The following UGT1A5 variants were observed in gnomAD, a reference collection of about 807,000 sequenced individuals.
UGT1A5 encodes the protein UDP-glucuronosyltransferase 1A5.
In UGT1A5, 29 loss-of-function variants were observed where a neutral mutation model predicts 40.3. The ratio of observed to expected loss-of-function variants is 0.72; its 90% confidence interval spans 0.54 to 0.98. UGT1A5 has a LOEUF of 0.98. Ranked by LOEUF, UGT1A5 falls within the 50% of genes least tolerant of loss-of-function variation. The pLI, the probability that UGT1A5 is intolerant of heterozygous loss-of-function variation, is 0.00. For missense variants in UGT1A5, 678 were observed against 677.9 expected (o/e 1.00, Z 0.00); for synonymous variants, 257 against 262.5 (o/e 0.98, Z 0.20).
intron 1 of UGT1A5, among the ~76,000 whole-genome samples, chr2:233,749,338 G>A (rs996223048): frequency 2.0e-5 from 3 of 151,868 alleles, no homozygotes; most frequent in Admixed American, 6.5e-5. Flanking sequence ...GTTGAAAAGT[G>A]GGATGGAATT....
rs907498423 is a variant in UGT1A5, at chr2:233,772,974, A to C, written c.*415A>C. The stretch of plus-strand genomic sequence containing the variant: ...GATGGTTGCAATTGATCCTTAACCA[A>C]TAATGGTCAGTCCTCATCTCTGTCG... On this transcript the variant is annotated 3_prime_UTR_variant, in exon 5 of 5. Transcript: ENST00000373414. 3.0e-5 allele frequency: 9 copies of C among 303,654 alleles called. No individual in the cohort carries two copies. The highest frequency in any genetic ancestry group is 5.7e-5 in the Non-Finnish European group (9 of 158,574). The allele number at this position is 303,654 out of a possible 1,614,324, so 18.8% of individuals were successfully genotyped here.
chr2:233,730,676 G>A (rs992783530), intron 1 of UGT1A5, among the ~76,000 whole-genome samples: 4 of 152,128 alleles, frequency 2.6e-5, no homozygotes, highest in Non-Finnish European at 4.4e-5. Flanking sequence ...CAAAGTAATG[G>A]TTGCATCTCA....
chr2:233,772,775 T>C lies in UGT1A5; in HGVS notation c.*216T>C, dbSNP rs1450071408. On this transcript the variant is annotated 3_prime_UTR_variant, in exon 5 of 5. Transcript: ENST00000373414. ...AATATGTATCGTGCCCCCTCTGGTG[T>C]CTTTGATCAGGATGACATGTGCCAT... 2 of 1,313,948 alleles carry C rather than the reference T, an allele frequency of 1.5e-6. No homozygotes were observed. Among genetic ancestry groups the C allele is most frequent in the East Asian group, 2.7e-5 (1 of 37,564 alleles). 81.4% of individuals were successfully genotyped at this position (1,313,948 alleles called of 1,614,324 possible).
intron 1 of UGT1A5, among the ~76,000 whole-genome samples, chr2:233,739,630 G>A (rs535320958): frequency 6.6e-6 from 1 of 152,302 alleles, no homozygotes; most frequent in African/African-American, 2.4e-5. Context: ...CATTTGAAAT[G>A]GGAACATTTA....
rs1700539683 is a variant in UGT1A5 at position 233,772,631 on chromosome 2, T to C, written c.*72T>C. ...TTTCCAAACTTGAAAACAGAATCAG[T>C]GTTAAATTCATTTTATTCTTATTAA... On this transcript the variant is annotated 3_prime_UTR_variant, in exon 5 of 5. Coordinates refer to ENST00000373414, the MANE Select transcript of UGT1A5 (RefSeq NM_019078.2). 1.2e-5 allele frequency: 19 copies of C among 1,558,348 alleles called. No individual in the cohort carries two copies. The South Asian group carries it at 2.2e-4, about 18-fold the overall frequency.
At chr2:233,760,858 T>C (rs1196570380) in intron 1 of UGT1A5, 1 of 1,614,090 alleles carries the variant, frequency 6.2e-7, no homozygotes, top group Non-Finnish European at 8.5e-7. Flanking sequence ...CAACCCATTC[T>C]CCTACGTGCC....
At chr2:233,761,315 C>T (rs1196056744) in intron 1 of UGT1A5, among the ~76,000 whole-genome samples, 1 of 152,360 alleles carries the variant, frequency 6.6e-6, no homozygotes, top group East Asian at 1.9e-4. Flanking sequence ...TCTTTGGCAT[C>T]ATCTTCTGGA....
At position 233,758,850 on chromosome 2, in the gene UGT1A5, C is replaced by A. The variant is rs141810687; in HGVS notation, c.868-8184C>A. ...CAAAAAGAGTGTAATACTTCCAATT[C>A]TGGCTGCACAATACTTGCCCCATAG... On this transcript the variant is annotated intron_variant, in intron 1 of 4. Transcript: ENST00000373414. Among the ~76,000 whole-genome samples the A allele has an allele frequency of 4.5e-3, 678 of 152,282 alleles. 10 individuals are homozygous for A. The highest frequency in any genetic ancestry group is 0.015 in the African/African-American group (640 of 41,546).
chr2:233,736,227 C>T (rs757902126), intron 1 of UGT1A5, among the ~76,000 whole-genome samples: 1 of 152,164 alleles, frequency 6.6e-6, no homozygotes, highest in Non-Finnish European at 1.5e-5. Flanking sequence ...TCTTTTTTCT[C>T]TAACCTTGTC....
At chr2:233,729,397 C>T (rs762751427) in intron 1 of UGT1A5, 64 of 1,613,538 alleles carry the variant, frequency 4.0e-5, no homozygotes, top group Non-Finnish European at 4.6e-5. Flanking sequence ...TGAATTTGAT[C>T]GCCATGTGCT....
Position 233,772,610 on chromosome 2 carries a change from C to A in UGT1A5, c.*51C>A. 6.3e-7 allele frequency: 1 copy of A among 1,580,500 alleles called. No individual in the cohort carries two copies. Among genetic ancestry groups the A allele is most frequent in the South Asian group, 1.1e-5 (1 of 87,222 alleles). On this transcript the variant is annotated 3_prime_UTR_variant, in exon 5 of 5. Transcript: ENST00000373414. ...TTTTGAACCATTCCCTAGTCATTTC[C>A]AAACTTGAAAACAGAATCAGTGTTA...
intron 1 of UGT1A5, among the ~76,000 whole-genome samples, chr2:233,726,395 C>G (rs2077529698): frequency 6.6e-6 from 1 of 152,174 alleles, no homozygotes; most frequent in African/African-American, 2.4e-5. Flanking sequence ...ATCTCATAGT[C>G]TTTTGATGTC....
intron 1 of UGT1A5, chr2:233,743,646 A>C (rs754114212): frequency 1.5e-6 from 2 of 1,367,250 alleles, no homozygotes; most frequent in Admixed American, 3.8e-5. Context: ...CGGAAGCTGA[A>C]GACGTACTCG....
intron 1 of UGT1A5, chr2:233,743,807 T>G (rs760730105): frequency 2.2e-6 from 3 of 1,367,334 alleles, no homozygotes; most frequent in East Asian, 4.6e-5. Context: ...CTCCTTGTTC[T>G]CAGGGTTTTT....
chr2:233,772,573 A>C lies in UGT1A5; in HGVS notation c.*14A>C. 1.9e-6 allele frequency: 3 copies of C among 1,610,688 alleles called. No homozygotes were observed. Among genetic ancestry groups the C allele is most frequent in the Non-Finnish European group, 2.5e-6 (3 of 1,178,166 alleles). On this transcript the variant is annotated 3_prime_UTR_variant, in exon 5 of 5. Coordinates refer to ENST00000373414, the MANE Select transcript of UGT1A5 (RefSeq NM_019078.2). ...AAGACCCATTGAGAAGTGGGTGGGA[A>C]ATAAGGTAAAATTTTGAACCATTCC...
At chr2:233,763,225 G>A (rs537625266) in intron 1 of UGT1A5, among the ~76,000 whole-genome samples, 20 of 152,258 alleles carry the variant, frequency 1.3e-4, no homozygotes, top group African/African-American at 4.3e-4. Context: ...GTGAAAATAT[G>A]TTTTTAAATT....
At chr2:233,766,917 A>C (rs993857330) in intron 1 of UGT1A5, 117 bp from the exon 2 acceptor site, 136 of 1,547,100 alleles carry the variant, frequency 8.8e-5, no homozygotes, top group Admixed American at 4.9e-4. Flanking sequence ...CTCTATCTCA[A>C]ACACGCATGC....
chr2:233,719,296 C>G, intron 1 of UGT1A5: 1 of 1,613,940 alleles, frequency 6.2e-7, no homozygotes, highest in South Asian at 1.1e-5. Flanking sequence ...CTCTGTGGGG[C>G]GGTGCTGGCT....
At chr2:233,745,949 A>G (rs1225490168) in intron 1 of UGT1A5, among the ~76,000 whole-genome samples, 4 of 151,666 alleles carry the variant, frequency 2.6e-5, no homozygotes, top group East Asian at 3.9e-4. Context: ...GGGTTGGGCA[A>G]CTGGGGGACA....
Sources: gnomAD v4.1 joint callset for allele counts (sites outside exome capture counted in the v4.1 genomes callset) on GRCh38, gnomAD v4.1.1 for gene constraint, MANE v1.5 for transcripts, NCBI Gene and HGNC (gene_info 2026-07-23, HGNC 2026-07-21) for gene names.